CANX: variants seen among roughly 807,000 people sequenced by gnomAD.
CANX encodes epididymis secretory sperm binding protein.
Under a neutral mutation model 75.7 loss-of-function variants are expected in CANX, and 14 were observed. That is an observed-to-expected ratio of 0.19 (90% CI 0.12 to 0.29). CANX has a LOEUF of 0.29. CANX is among the 10% of genes least tolerant of loss of function. CANX has a pLI of 1.00. For missense variants in CANX, 567 were observed against 713.2 expected, an observed-to-expected ratio of 0.79 and a Z score of 2.34; for synonymous variants, 227 against 236.9, an observed-to-expected ratio of 0.96 and a Z score of 0.38.
intron 7 of CANX, among the ~76,000 whole-genome samples, chr5:179,715,675 A>G (rs1213025519): frequency 6.6e-6 from 1 of 152,240 alleles, no homozygotes; most frequent in Non-Finnish European, 1.5e-5. Context: ...GTGTAATTTC[A>G]GTAACGTAAT....
chr5:179,723,564 G>C lies in CANX; in HGVS notation c.1399-96G>C, dbSNP rs146328682. On this transcript the variant is annotated intron_variant, in intron 11 of 14. Coordinates refer to ENST00000247461, the MANE Select transcript of CANX (RefSeq NM_001746.4). ...TTTTCTCTGAAAAAGAAGGTCCTGC[G>C]TAGTGCCATGCCATAACTGAACTGC... 2.4e-5 allele frequency: 30 copies of C among 1,261,246 alleles called. No individual in the cohort carries two copies. In the African/African-American group the frequency reaches 3.8e-4, roughly 16 times the overall value. The allele number at this position is 1,261,246 out of a possible 1,614,324, so 78.1% of individuals were successfully genotyped here.
At chr5:179,694,034 C>T (rs888330796), upstream of CANX, among the ~76,000 whole-genome samples, 4 of 151,204 alleles carry the variant, frequency 2.6e-5, no homozygotes, top group Non-Finnish European at 5.9e-5. Context: ...ATCCCAGCTA[C>T]TCAGGAGGCT....
upstream of CANX, among the ~76,000 whole-genome samples, chr5:179,696,582 G>A (rs1776410060): frequency 6.6e-6 from 1 of 152,072 alleles, no homozygotes; most frequent in Non-Finnish European, 1.5e-5. Flanking sequence ...GGCCAAGAAA[G>A]TATTTCTGCT....
At chr5:179,688,114 G>A (rs1001424510) in intron 1 of CANX, among the ~76,000 whole-genome samples, 2 of 149,638 alleles carry the variant, frequency 1.3e-5, no homozygotes, top group Non-Finnish European at 3.0e-5. Context: ...CTGGAGTGCA[G>A]TGGCACGATC....
chr5:179,699,066 G>A lies in CANX; in HGVS notation c.-40G>A. 6 of 1,093,744 alleles carry A rather than the reference G, an allele frequency of 5.5e-6. No homozygotes were observed. The African/African-American group carries it at 8.6e-5, about 16-fold the overall frequency. The allele number at this position is 1,093,744 out of a possible 1,614,324, so 67.8% of individuals were successfully genotyped here. On this transcript the variant is annotated 5_prime_UTR_variant, in exon 1 of 15. Transcript: ENST00000247461. The stretch of plus-strand genomic sequence containing the variant: ...CGGGGCAAGGTGTGCGGGCGGGAAG[G>A]GGCACGGGCACCCCCGCGGTCCCCG...
chr5:179,680,984 G>A (rs1776049097), intron 1 of CANX: 3 of 1,394,274 alleles, frequency 2.2e-6, no homozygotes, highest in Admixed American at 2.0e-5. Context: ...ACTGTATGTT[G>A]TGCCTCACCT....
Position 179,730,861 on chromosome 5 carries a change from ACTC to A in CANX, c.*2221_*2223del, listed in dbSNP as rs1778949270. ...TCCTCCATTTTCTTATCCACAAAGT[ACTC>A]CTCACTTTTCAATTTGTCATGTTAC... On this transcript the variant is annotated 3_prime_UTR_variant, in exon 15 of 15. Transcript: ENST00000247461. 1 of 152,176 alleles carries A rather than the reference ACTC, an allele frequency of 6.6e-6. No individual in the cohort carries two copies. The highest frequency in any genetic ancestry group is 1.5e-5 in the Non-Finnish European group (1 of 68,038). The allele number at this position is 152,176 out of a possible 1,614,324, so 9.4% of individuals were successfully genotyped here. A position where few individuals can be genotyped will look rare whatever the true frequency, so the allele number is the denominator to read the frequency against.
At chr5:179,683,665 C>G (rs887790010) in intron 1 of CANX, among the ~76,000 whole-genome samples, 4 of 151,918 alleles carry the variant, frequency 2.6e-5, no homozygotes, top group Non-Finnish European at 5.9e-5. Context: ...TCCCAAGTAG[C>G]TGGGATTACA....
intron 1 of CANX, among the ~76,000 whole-genome samples, chr5:179,690,858 C>T (rs1263420187): frequency 1.3e-5 from 2 of 151,620 alleles, no homozygotes; most frequent in African/African-American, 4.8e-5. Context: ...CACTGCATTC[C>T]AGCCTGGGCG....
At chr5:179,702,975 G>A (rs1170360314) in intron 1 of CANX, among the ~76,000 whole-genome samples, 3 of 152,072 alleles carry the variant, frequency 2.0e-5, no homozygotes, top group East Asian at 1.9e-4. Flanking sequence ...CTCCGTGGTG[G>A]TCAGGCTGGT....
At chr5:179,692,874 T>C (rs990361973) in intron 1 of CANX, among the ~76,000 whole-genome samples, 21 of 151,686 alleles carry the variant, frequency 1.4e-4, no homozygotes, top group African/African-American at 5.1e-4. Context: ...AGGCTGGGCG[T>C]GGTGGCTCAC....
chr5:179,694,786 C>CA (rs5873660), upstream of CANX: 210,334 of 387,874 alleles, frequency 0.54, 36,689 homozygotes, highest in Admixed American at 0.65. Context: ...GTTTATCTGT[C>CA]AAAAAAAAAA....
chr5:179,724,561 A>G (rs535857501), intron 12 of CANX, 96 bp from the exon 13 acceptor site: 3 of 993,398 alleles, frequency 3.0e-6, no homozygotes, highest in East Asian at 4.8e-5. Context: ...ATCCCTGTAT[A>G]CAGCCTGGAA....
chr5:179,680,366 C>T (rs915861271), intron 1 of CANX, among the ~76,000 whole-genome samples: 7 of 152,122 alleles, frequency 4.6e-5, no homozygotes, highest in Non-Finnish European at 8.8e-5. Flanking sequence ...CCTCATCATT[C>T]AGTCATTTGA....
At chr5:179,721,370 G>A (rs545959107) in intron 10 of CANX, among the ~76,000 whole-genome samples, 36 of 152,338 alleles carry the variant, frequency 2.4e-4, no homozygotes, top group African/African-American at 7.9e-4. Flanking sequence ...GGTTTCAGGC[G>A]GGAGCCACTG....
chr5:179,710,766 A>G (rs1777499052), intron 7 of CANX, among the ~76,000 whole-genome samples: 1 of 147,166 alleles, frequency 6.8e-6, no homozygotes, highest in African/African-American at 2.5e-5. Flanking sequence ...AACAAGAAGA[A>G]TCTCAGCCTG....
intron 1 of CANX, among the ~76,000 whole-genome samples, chr5:179,692,638 C>G (rs906250078): frequency 6.6e-6 from 1 of 152,100 alleles, no homozygotes; most frequent in Non-Finnish European, 1.5e-5. Context: ...ATCTATCCAC[C>G]TACCTCAGCC....
chr5:179,701,736 CTTTTTTTTTTTTTT>C (rs558907168), intron 1 of CANX, among the ~76,000 whole-genome samples: 1 of 43,996 alleles, frequency 2.3e-5, no homozygotes, highest in Non-Finnish European at 3.8e-5. Flanking sequence ...AACAGATGTA[CTTTTTTTTTTTTTT>C]TTTTTTTTTT....
At chr5:179,711,369 C>A (rs1002490651) in intron 7 of CANX, among the ~76,000 whole-genome samples, 2 of 151,524 alleles carry the variant, frequency 1.3e-5, no homozygotes, top group African/African-American at 4.8e-5. Flanking sequence ...CTGTAGTGAG[C>A]CATGATCTTG....
Sources: allele counts gnomAD v4.1 joint callset (sites outside exome capture counted in the v4.1 genomes callset), GRCh38; gene constraint gnomAD v4.1.1; transcripts MANE v1.5; gene names NCBI Gene and HGNC (gene_info 2026-07-23, HGNC 2026-07-21).